Variants in RFX3 observed in about 807,000 individuals in gnomAD.
RFX3 encodes transcription factor RFX3.
Under a neutral mutation model 98.6 loss-of-function variants are expected in RFX3, and 14 were observed. The ratio of observed to expected loss-of-function variants is 0.14; its 90% confidence interval spans 0.09 to 0.22. RFX3 has a LOEUF of 0.22. RFX3 is among the 10% of genes least tolerant of loss of function. The pLI is 1.00. For missense variants in RFX3, 639 were observed against 926.9 expected, an observed-to-expected ratio of 0.69 and a Z score of 4.03; for synonymous variants, 383 against 328.4, an observed-to-expected ratio of 1.17 and a Z score of -1.80.
At chr9:3,276,205 T>C (rs564572142) in intron 8 of RFX3, among the ~76,000 whole-genome samples, 1 of 152,154 alleles carries the variant, frequency 6.6e-6, no homozygotes, top group South Asian at 2.1e-4. Flanking sequence ...TATACCAACA[T>C]GTGCTTTGTG....
chr9:3,327,032 G>T (rs1832001276), intron 4 of RFX3, among the ~76,000 whole-genome samples: 1 of 152,176 alleles, frequency 6.6e-6, no homozygotes, highest in South Asian at 2.1e-4. Context: ...GAGAAAAACT[G>T]AACTTATATG....
At chr9:3,324,865 G>A (rs184128926) in intron 4 of RFX3, among the ~76,000 whole-genome samples, 1 of 152,246 alleles carries the variant, frequency 6.6e-6, no homozygotes, top group East Asian at 1.9e-4. Flanking sequence ...AAGGAAGGCT[G>A]AGGTGGGAGA....
intron 13 of RFX3, among the ~76,000 whole-genome samples, chr9:3,261,160 C>T (rs151231323): frequency 7.6e-4 from 116 of 152,094 alleles, no homozygotes; most frequent in Non-Finnish European, 1.4e-3. Context: ...ACATATTATA[C>T]AATTCATTCA....
chr9:3,394,599 T>C (rs1258713541), intron 2 of RFX3, among the ~76,000 whole-genome samples: 1 of 152,244 alleles, frequency 6.6e-6, no homozygotes, highest in Admixed American at 6.5e-5. Flanking sequence ...TAACCTTGCA[T>C]CTATCAATTA....
chr9:3,382,273 A>T (rs1200366876), intron 2 of RFX3, among the ~76,000 whole-genome samples: 2 of 152,226 alleles, frequency 1.3e-5, no homozygotes, highest in African/African-American at 2.4e-5. Flanking sequence ...AGCAACATTT[A>T]AGAGTTTAAA....
At chr9:3,305,505 T>C (rs534571590) in intron 4 of RFX3, among the ~76,000 whole-genome samples, 7 of 151,962 alleles carry the variant, frequency 4.6e-5, no homozygotes, top group South Asian at 4.1e-4. Flanking sequence ...TAGGAATATA[T>C]CATGACAACG....
intron 1 of RFX3, chr9:3,489,415 G>A: frequency 2.0e-6 from 2 of 985,350 alleles, no homozygotes; most frequent in Non-Finnish European, 2.4e-6. Context: ...ACTGTTTGTA[G>A]TGGAAGCAGA....
chr9:3,499,000 A>G lies in RFX3; in HGVS notation c.-9+26747T>C, dbSNP rs1436720866. ...GTGATTGGCCTACAATTCAAGACAC[A>G]TCCTATTAAAAACAAGTCACACTGA... On this transcript the variant is annotated intron_variant, in intron 1 of 16. Coordinates refer to ENST00000617270, the MANE Select transcript of RFX3 (RefSeq NM_001282116.2). 2.0e-5 allele frequency among the ~76,000 whole-genome samples: 3 copies of G among 152,154 alleles called. No homozygotes were observed. The South Asian group carries it at 6.2e-4, about 31-fold the overall frequency.
chr9:3,315,551 CA>C (rs59992500), intron 4 of RFX3, among the ~76,000 whole-genome samples: 22,873 of 151,780 alleles, frequency 0.15, 1,793 homozygotes, highest in Middle Eastern at 0.21. Context: ...GATAGACACA[CA>C]AAAAAACCCT....
rs191220173 is a variant in RFX3 at position 3,347,159 on chromosome 9, A to G, written c.118-395T>C. On this transcript the variant is annotated intron_variant, in intron 2 of 16. Coordinates refer to ENST00000617270, the MANE Select transcript of RFX3 (RefSeq NM_001282116.2). The stretch of plus-strand genomic sequence containing the variant: ...AACACGGTGAAACCCCGTCTTTACT[A>G]AAATACAAAAAGTAAGCTGGGTGTG... Among the ~76,000 whole-genome samples, 124 of 152,178 alleles carry G rather than the reference A, an allele frequency of 8.1e-4. 1 individual carries two copies. The highest frequency in any genetic ancestry group is 2.9e-3 in the African/African-American group (119 of 41,522).
chr9:3,248,155 G>A lies in RFX3; in HGVS notation c.1845C>T (p.Arg615=). The stretch of plus-strand genomic sequence containing the variant: ...GGAAGGAGCCAAAGCTAGCAGCACT[G>A]CGTAAGGTTAAGTCCCGAATAACCA... ...SSMVIRDLTL[R]SAASFGSFHL... Residue 615 remains arginine (R), a synonymous_variant, in exon 15 of 17, where the codon CGC becomes CGT. Coordinates refer to ENST00000617270, the MANE Select transcript of RFX3 (RefSeq NM_001282116.2). The A allele has an allele frequency of 6.2e-7, 1 of 1,613,010 alleles. No homozygotes were observed. The highest frequency in any genetic ancestry group is 8.5e-7 in the Non-Finnish European group (1 of 1,179,468).
In RFX3 at chr9:3,222,542, C is replaced by G. The variant is rs1817391814; in HGVS notation, c.*2500G>C. Reference sequence around the variant, plus strand: ...AAGTCATTCAATAAACAAAATGAAACCAGTAAATACATTTGGTCCAATACA... The same window carrying G: ...AAGTCATTCAATAAACAAAATGAAAGCAGTAAATACATTTGGTCCAATACA... On this transcript the variant is annotated 3_prime_UTR_variant, in exon 17 of 17. Coordinates refer to ENST00000617270, the MANE Select transcript of RFX3 (RefSeq NM_001282116.2). 2 of 151,754 alleles carry G rather than the reference C, an allele frequency of 1.3e-5. No individual in the cohort carries two copies. Among genetic ancestry groups the G allele is most frequent in the African/African-American group, 2.4e-5 (1 of 41,142 alleles). 9.4% of individuals were successfully genotyped at this position (151,754 alleles called of 1,614,324 possible). A position where few individuals can be genotyped will look rare whatever the true frequency, so the allele number is the denominator to read the frequency against.
chr9:3,409,385 G>A (rs964780637), intron 1 of RFX3, among the ~76,000 whole-genome samples: 2 of 152,174 alleles, frequency 1.3e-5, no homozygotes, highest in African/African-American at 4.8e-5. Flanking sequence ...AAATATCAAT[G>A]ATAAAATTGG....
chr9:3,265,837 C>T (rs1586801918), intron 12 of RFX3, among the ~76,000 whole-genome samples: 1 of 151,988 alleles, frequency 6.6e-6, no homozygotes, highest in Non-Finnish European at 1.5e-5. Flanking sequence ...TAGAAAATTC[C>T]TTCAAATGAA....
chr9:3,321,221 C>T (rs115273201), intron 4 of RFX3, among the ~76,000 whole-genome samples: 2,928 of 152,120 alleles, frequency 0.019, 40 homozygotes, highest in African/African-American at 0.032. Flanking sequence ...TTTTCTATTA[C>T]AAATAAGTCT....
intron 1 of RFX3, among the ~76,000 whole-genome samples, chr9:3,520,027 G>T (rs1199642765): frequency 6.6e-6 from 1 of 152,070 alleles, no homozygotes; most frequent in African/African-American, 2.4e-5. Flanking sequence ...GGAGGACCAC[G>T]TGAGCCCAGG....
chr9:3,366,710 CTT>C (rs1275683586), intron 2 of RFX3, among the ~76,000 whole-genome samples: 1 of 91,940 alleles, frequency 1.1e-5, no homozygotes, highest in Non-Finnish European at 2.2e-5. Flanking sequence ...TTCTTTCTTT[CTT>C]TCTTTCTTTC....
At chr9:3,412,478 T>C (rs931905198) in intron 1 of RFX3, among the ~76,000 whole-genome samples, 7 of 152,202 alleles carry the variant, frequency 4.6e-5, no homozygotes, top group African/African-American at 7.2e-5. Context: ...CTTCAAACCA[T>C]TTAATAAAGA....
chr9:3,446,323 AACTATT>A (rs1846046240), intron 1 of RFX3, among the ~76,000 whole-genome samples: 1 of 152,148 alleles, frequency 6.6e-6, no homozygotes, highest in African/African-American at 2.4e-5. Flanking sequence ...TCATTGAAGC[AACTATT>A]ACTATCTGTC....
Sources: allele counts gnomAD v4.1 joint callset (sites outside exome capture counted in the v4.1 genomes callset), GRCh38; gene constraint gnomAD v4.1.1; transcripts MANE v1.5; gene names NCBI Gene and HGNC (gene_info 2026-07-23, HGNC 2026-07-21).